The following TMEM232 variants were observed in gnomAD, a reference collection of about 807,000 sequenced individuals.
TMEM232 encodes transmembrane protein 232.
In TMEM232, 80 loss-of-function variants were observed where a neutral mutation model predicts 78.8. The ratio of observed to expected loss-of-function variants is 1.01; its 90% CI spans 0.85 to 1.22. The LOEUF (loss-of-function observed/expected upper bound fraction) is 1.22. Ranked by LOEUF, TMEM232 falls within the 50% of genes most tolerant of loss-of-function variation. The probability of loss-of-function intolerance (pLI) is 0.00; values close to 1 mark genes in which losing one functional copy is unlikely to be tolerated. For synonymous variants in TMEM232, 297 were observed against 254.3 expected, an observed-to-expected ratio of 1.17 and a Z score of -1.60; for missense variants, 881 against 742.2, an observed-to-expected ratio of 1.19 and a Z score of -2.17.
At chr5:110,616,510 T>C (rs978857853) in intron 8 of TMEM232, among the ~76,000 whole-genome samples, 4 of 152,144 alleles carry the variant, frequency 2.6e-5, no homozygotes, top group African/African-American at 9.6e-5. Flanking sequence ...AAACCATACA[T>C]TTTTAACCCA....
intron 3 of TMEM232, among the ~76,000 whole-genome samples, chr5:110,395,498 G>A (rs1580546581): frequency 6.6e-6 from 1 of 152,050 alleles, no homozygotes; most frequent in East Asian, 1.9e-4. Context: ...CTCATGTCTC[G>A]ACTCTTATTT....
chr5:110,641,313 T>G (rs910439907), intron 3 of TMEM232, among the ~76,000 whole-genome samples: 7 of 152,234 alleles, frequency 4.6e-5, no homozygotes, highest in African/African-American at 1.7e-4. Flanking sequence ...TTTTTTATTG[T>G]ATAAGGAAAA....
chr5:110,726,433 G>C (rs2150363928), intron 1 of TMEM232, among the ~76,000 whole-genome samples, 194 bp downstream of exon 1: 1 of 152,226 alleles, frequency 6.6e-6, no homozygotes, highest in South Asian at 2.1e-4. Context: ...AGACTCTTAG[G>C]AGGGGCCCAG....
intron 2 of TMEM232, among the ~76,000 whole-genome samples, chr5:110,400,303 G>A (rs896227062): frequency 2.0e-5 from 3 of 152,068 alleles, no homozygotes; most frequent in Admixed American, 1.3e-4. Flanking sequence ...TTTCTCAAAT[G>A]TAAAAGAAGT....
At chr5:110,486,074 A>G (rs1764430989) in intron 12 of TMEM232, among the ~76,000 whole-genome samples, 1 of 151,408 alleles carries the variant, frequency 6.6e-6, no homozygotes, top group South Asian at 2.1e-4. Context: ...ATCATTAGAG[A>G]TGTTGAGCAT....
intron 13 of TMEM232, among the ~76,000 whole-genome samples, chr5:110,424,190 G>T (rs757432218): frequency 9.2e-5 from 14 of 152,020 alleles, no homozygotes; most frequent in Non-Finnish European, 1.9e-4. Flanking sequence ...CAATCTGAGA[G>T]ATAATATTGA....
Position 110,601,949 on chromosome 5 carries a change from T to C in TMEM232, c.1276+3160A>G, listed in dbSNP as rs148350092. On this transcript the variant is annotated intron_variant, in intron 10 of 13. Coordinates refer to ENST00000455884, the MANE Select transcript of TMEM232 (RefSeq NM_001039763.4). ...CATGGTACTGGTACCAAAACAGATATATAAACCAGTGGAACAGAACAGAGG... is the reference window on the plus strand; with the variant it reads ...CATGGTACTGGTACCAAAACAGATACATAAACCAGTGGAACAGAACAGAGG... 1.0e-3 allele frequency among the ~76,000 whole-genome samples: 157 copies of C among 152,138 alleles called. 2 individuals carry two copies. In the East Asian group the frequency reaches 0.026, roughly 25 times the overall value.
At chr5:110,618,710 T>C in intron 7 of TMEM232, 148 bp from the exon 8 acceptor site, 2 of 872,416 alleles carry the variant, frequency 2.3e-6, no homozygotes, top group Non-Finnish European at 3.4e-6. Flanking sequence ...AGTGGAGCAA[T>C]TTACATAAGC....
chr5:110,420,869 T>C (rs1353336723), intron 13 of TMEM232, 113 bp from the exon 14 acceptor site: 2 of 1,384,424 alleles, frequency 1.4e-6, no homozygotes, highest in East Asian at 2.9e-5. Flanking sequence ...GTTTTTTCCA[T>C]GACATTCCTC....
At chr5:110,564,233 T>C (rs961314146) in intron 11 of TMEM232, among the ~76,000 whole-genome samples, 3 of 151,782 alleles carry the variant, frequency 2.0e-5, no homozygotes. Flanking sequence ...CAGAAAAAAA[T>C]ATGTATTTCC....
chr5:110,725,197 A>C (rs1385760653), intron 1 of TMEM232, among the ~76,000 whole-genome samples: 1 of 152,212 alleles, frequency 6.6e-6, no homozygotes, highest in African/African-American at 2.4e-5. Context: ...TTCTGTTGTG[A>C]AATGTTTGAG....
chr5:110,692,445 CAGTGGGTGCAGGAG>C (rs898601108), intron 1 of TMEM232, among the ~76,000 whole-genome samples: 2 of 152,144 alleles, frequency 1.3e-5, no homozygotes, highest in African/African-American at 4.8e-5. Flanking sequence ...GAGTGCCGGA[CAGTGGGTGCAGGAG>C]AGTGGGTGCA....
intron 8 of TMEM232, chr5:110,610,463 G>A (rs894647036): frequency 8.0e-5 from 31 of 389,378 alleles, no homozygotes; most frequent in African/African-American, 6.1e-4. Flanking sequence ...AGAGGCAGAA[G>A]TTGGGAACAC....
chr5:110,573,766 T>C (rs1777235008), intron 10 of TMEM232, among the ~76,000 whole-genome samples: 1 of 152,046 alleles, frequency 6.6e-6, no homozygotes, highest in Admixed American at 6.6e-5. Context: ...GAAGAAGAGT[T>C]AATCATTGAA....
chr5:110,638,151 T>C (rs758854611), intron 5 of TMEM232, 47 bp downstream of exon 5: 16 of 1,385,216 alleles, frequency 1.2e-5, no homozygotes, highest in Non-Finnish European at 1.6e-5. Flanking sequence ...TTGTTACATG[T>C]AGTATGTGAA....
intron 2 of TMEM232, among the ~76,000 whole-genome samples, chr5:110,402,922 C>T (rs1222263243): frequency 6.6e-6 from 1 of 152,030 alleles, no homozygotes; most frequent in Admixed American, 6.6e-5. Context: ...AAAGAGACAG[C>T]AAATGACCAC....
chr5:110,680,988 T>C (rs1367859492), intron 1 of TMEM232, among the ~76,000 whole-genome samples: 1 of 150,972 alleles, frequency 6.6e-6, no homozygotes, highest in Admixed American at 6.6e-5. Flanking sequence ...AAGAGAAGGG[T>C]GAGGGCAGAG....
chr5:110,610,240 AAGGAAGGGAGGAAGGG>A (rs61635086), intron 8 of TMEM232, among the ~76,000 whole-genome samples: 2 of 70,162 alleles, frequency 2.9e-5, no homozygotes, highest in South Asian at 5.6e-4. Flanking sequence ...AAAAGAAAGG[AAGGAAGGGAGGAAGGG>A]AGGAAGGGAG....
intron 12 of TMEM232, among the ~76,000 whole-genome samples, chr5:110,512,864 A>G (rs2149476199): frequency 6.6e-6 from 1 of 152,358 alleles, no homozygotes; most frequent in South Asian, 2.1e-4. Context: ...TATTTGAAAT[A>G]TAGAATACTT....
Sources: gnomAD v4.1 joint callset for allele counts (sites outside exome capture counted in the v4.1 genomes callset) on GRCh38, gnomAD v4.1.1 for gene constraint, MANE v1.5 for transcripts, NCBI Gene and HGNC (gene_info 2026-07-23, HGNC 2026-07-21) for gene names.